The following PLXNA4 variants were observed in gnomAD, a reference collection of about 807,000 sequenced individuals.
The protein encoded by PLXNA4 is plexin A4.
PLXNA4 carries 44 observed loss-of-function variants against 191.8 expected under a neutral mutation model. The ratio of observed to expected loss-of-function variants is 0.23; its 90% CI spans 0.18 to 0.29. The LOEUF (loss-of-function observed/expected upper bound fraction) is 0.29. PLXNA4 is among the 10% of genes least tolerant of loss of function. PLXNA4 has a pLI of 1.00. For missense variants in PLXNA4, 1,800 were observed against 2,488.8 expected (o/e 0.72, Z 5.89); for synonymous variants, 1,082 against 1,009.5 (o/e 1.07, Z -1.36).
At chr7:132,364,588 C>T (rs549746594) in intron 3 of PLXNA4, among the ~76,000 whole-genome samples, 23 of 152,316 alleles carry the variant, frequency 1.5e-4, no homozygotes, top group African/African-American at 5.5e-4. Context: ...TAAAAGGGCC[C>T]ACAGAGGGTC....
intron 3 of PLXNA4, among the ~76,000 whole-genome samples, chr7:132,466,213 G>A (rs1796694408): frequency 6.6e-6 from 1 of 152,206 alleles, no homozygotes; most frequent in Non-Finnish European, 1.5e-5. Context: ...GAAATATGCA[G>A]GAGGGACAAT....
chr7:132,276,352 T>C (rs1800278886), intron 4 of PLXNA4, among the ~76,000 whole-genome samples: 1 of 152,062 alleles, frequency 6.6e-6, no homozygotes, highest in Non-Finnish European at 1.5e-5. Flanking sequence ...ACACACCCAT[T>C]GAGATGGAAA....
chr7:132,563,568 T>A (rs1296278139), intron 1 of PLXNA4, among the ~76,000 whole-genome samples: 1 of 70,974 alleles, frequency 1.4e-5, no homozygotes, highest in Non-Finnish European at 2.9e-5. Context: ...CCTTCTCCTC[T>A]TCATCCTCCT....
intron 12 of PLXNA4, among the ~76,000 whole-genome samples, chr7:132,200,225 G>C (rs1316053383): frequency 6.6e-6 from 1 of 152,184 alleles, no homozygotes; most frequent in Non-Finnish European, 1.5e-5. Context: ...TCTCCTCCCT[G>C]TGATTTTCTT....
In PLXNA4 at chr7:132,428,562, C is replaced by T. The variant is rs543438491; in HGVS notation, c.1371+60730G>A. On this transcript the variant is annotated intron_variant, in intron 3 of 31. Coordinates refer to ENST00000321063, the MANE Select transcript of PLXNA4 (RefSeq NM_020911.2). ...ATTTATTATTTTGGGGTGATTAAACCGAAGCTTCCAACACCTCAGTGAGTG... is the reference window on the plus strand; with the variant it reads ...ATTTATTATTTTGGGGTGATTAAACTGAAGCTTCCAACACCTCAGTGAGTG... Among the ~76,000 whole-genome samples, 9 of 152,122 alleles carry T rather than the reference C, an allele frequency of 5.9e-5. No individual in the cohort carries two copies. In the East Asian group the frequency reaches 1.6e-3, roughly 26 times the overall value.
chr7:132,462,691 C>T lies in PLXNA4; in HGVS notation c.1371+26601G>A, dbSNP rs546393061. On this transcript the variant is annotated intron_variant, in intron 3 of 31. Transcript: ENST00000321063. ...TCCTGGCCTCAGGTGATCCTCCCACCTCAACCTCCCAAGTCTTTGGTATTC... is the reference window on the plus strand; with the variant it reads ...TCCTGGCCTCAGGTGATCCTCCCACTTCAACCTCCCAAGTCTTTGGTATTC... 2.0e-5 allele frequency among the ~76,000 whole-genome samples: 3 copies of T among 152,208 alleles called. No homozygotes were observed. In the East Asian group the frequency reaches 5.8e-4, roughly 29 times the overall value.
intron 3 of PLXNA4, among the ~76,000 whole-genome samples, chr7:132,354,631 C>T (rs1296433063): frequency 6.6e-6 from 1 of 152,188 alleles, no homozygotes; most frequent in African/African-American, 2.4e-5. Flanking sequence ...TCCTAATGTA[C>T]CCCTGCTCTG....
At position 132,252,096 on chromosome 7, in the gene PLXNA4, T is replaced by A. The variant is rs541109009; in HGVS notation, c.1504-10930A>T. Among the ~76,000 whole-genome samples the A allele has an allele frequency of 9.3e-4, 141 of 152,158 alleles. 1 individual carries two copies. The highest frequency in any genetic ancestry group is 3.5e-3 in the Admixed American group (54 of 15,280). On this transcript the variant is annotated intron_variant, in intron 4 of 31. Transcript: ENST00000321063. ...TCCTGTCTCAAGGTACCCACCTAAC[T>A]CTACTGAACTTATATGAGCTTCCAT...
chr7:132,408,020 G>C (rs1374972138), intron 3 of PLXNA4, among the ~76,000 whole-genome samples: 1 of 151,510 alleles, frequency 6.6e-6, no homozygotes, highest in Admixed American at 6.6e-5. Context: ...AAAGGAAATA[G>C]TCTGAAATAC....
intron 2 of PLXNA4, among the ~76,000 whole-genome samples, chr7:132,618,632 T>G (rs1181099186): frequency 1.3e-5 from 2 of 152,220 alleles, no homozygotes; most frequent in African/African-American, 4.8e-5. Flanking sequence ...GCCAGACAAC[T>G]GCTTTGGGCT....
intron 3 of PLXNA4, among the ~76,000 whole-genome samples, chr7:132,372,907 G>A (rs867216725): frequency 6.6e-6 from 1 of 152,204 alleles, no homozygotes; most frequent in South Asian, 2.1e-4. Flanking sequence ...GGCGTGGAGA[G>A]CATGGAAGTG....
chr7:132,153,299 G>A (rs936658853), intron 25 of PLXNA4, among the ~76,000 whole-genome samples: 1 of 152,146 alleles, frequency 6.6e-6, no homozygotes, highest in Non-Finnish European at 1.5e-5. Context: ...GAGGTCAGGA[G>A]CTAAGTTAAG....
chr7:132,333,870 C>T (rs1457314605), intron 3 of PLXNA4, among the ~76,000 whole-genome samples: 2 of 152,200 alleles, frequency 1.3e-5, no homozygotes, highest in African/African-American at 4.8e-5. Flanking sequence ...ATTCCAACCA[C>T]CAGCCCTGCT....
intron 1 of PLXNA4, among the ~76,000 whole-genome samples, chr7:132,564,000 C>G (rs1563177267): frequency 2.2e-5 from 2 of 89,922 alleles, no homozygotes; most frequent in African/African-American, 9.0e-5. Context: ...TCCTCCTTCT[C>G]CTCCTCCTTC....
intron 2 of PLXNA4, among the ~76,000 whole-genome samples, chr7:132,631,045 C>T (rs562717996): frequency 2.0e-5 from 3 of 152,276 alleles, no homozygotes; most frequent in Non-Finnish European, 2.9e-5. Flanking sequence ...CATGTGTATT[C>T]GTAAGTGTCT....
At chr7:132,464,466 C>T (rs1230725247) in intron 3 of PLXNA4, among the ~76,000 whole-genome samples, 1 of 152,184 alleles carries the variant, frequency 6.6e-6, no homozygotes, top group East Asian at 1.9e-4. Flanking sequence ...AGTCAGGGAA[C>T]CTCTTTAACC....
At chr7:132,365,360 T>TGTGCGCAC in intron 3 of PLXNA4, among the ~76,000 whole-genome samples, 2 of 128,828 alleles carry the variant, frequency 1.6e-5, no homozygotes, top group Admixed American at 7.5e-5. Flanking sequence ...TGTGTGTGTG[T>TGTGCGCAC]GCGTGCGCGC....
intron 3 of PLXNA4, among the ~76,000 whole-genome samples, chr7:132,309,766 G>A (rs574251718): frequency 1.1e-3 from 165 of 152,250 alleles, no homozygotes; most frequent in African/African-American, 3.7e-3. Context: ...AGAGAAACCC[G>A]GGAATCCAGG....
intron 3 of PLXNA4, among the ~76,000 whole-genome samples, chr7:132,298,696 C>T (rs1801196567): frequency 6.6e-6 from 1 of 152,250 alleles, no homozygotes; most frequent in Non-Finnish European, 1.5e-5. Flanking sequence ...TGAAGGTGAA[C>T]CAGGCAGGGG....
Sources: allele counts gnomAD v4.1 joint callset (sites outside exome capture counted in the v4.1 genomes callset), GRCh38; gene constraint gnomAD v4.1.1; transcripts MANE v1.5; gene names NCBI Gene and HGNC (gene_info 2026-07-23, HGNC 2026-07-21).